Variants in SETBP1 observed in about 807,000 individuals in gnomAD.
SETBP1 encodes the protein SET-binding protein.
A neutral mutation model predicts 101.0 loss-of-function variants in SETBP1; 9 were observed. The ratio of observed to expected loss-of-function variants is 0.09; its 90% CI spans 0.05 to 0.16. The LOEUF (loss-of-function observed/expected upper bound fraction) is 0.16. Ranked by LOEUF, SETBP1 falls within the 10% of genes least tolerant of loss-of-function variation. SETBP1 has a pLI of 1.00. For missense variants in SETBP1, 1,858 were observed against 2,033.8 expected, an observed-to-expected ratio of 0.91 and a Z score of 1.66; for synonymous variants, 818 against 788.5, an observed-to-expected ratio of 1.04 and a Z score of -0.63.
At chr18:44,719,284 A>G (rs2069533133) in intron 2 of SETBP1, among the ~76,000 whole-genome samples, 1 of 152,212 alleles carries the variant, frequency 6.6e-6, no homozygotes, top group Admixed American at 6.5e-5. Context: ...TCAGAAGTGG[A>G]GGCCACGCGA....
At chr18:44,701,951 G>A in intron 2 of SETBP1, 119 bp downstream of exon 2, 1 of 1,144,402 alleles carries the variant, frequency 8.7e-7, no homozygotes, top group Admixed American at 2.1e-5. Flanking sequence ...TGGGGTTGGG[G>A]ATTCAGACCC....
Position 44,950,033 on chromosome 18 carries a change from C to T in SETBP1, c.693C>T (p.Val231=), listed in dbSNP as rs1296928503. Residue 231 remains valine (V), a synonymous_variant, in exon 4 of 6, where the codon GTC becomes GTT. Coordinates refer to ENST00000649279, the MANE Select transcript of SETBP1 (RefSeq NM_015559.3). ...DWSTNSDSGP[V]TQNCFISPES... is the part of the protein sequence containing the mutation. Reference sequence around the variant, plus strand: ...CCACCAACTCTGACAGCGGACCCGTCACTCAGAATTGCTTCATCAGTCCAG... The same window carrying T: ...CCACCAACTCTGACAGCGGACCCGTTACTCAGAATTGCTTCATCAGTCCAG... 3 of 1,614,090 alleles carry T rather than the reference C, an allele frequency of 1.9e-6. No individual in the cohort carries two copies. Among genetic ancestry groups the T allele is most frequent in the African/African-American group, 1.3e-5 (1 of 74,944 alleles).
At chr18:44,874,008 C>T (rs951876133) in intron 3 of SETBP1, among the ~76,000 whole-genome samples, 15 of 152,198 alleles carry the variant, frequency 9.9e-5, no homozygotes, top group African/African-American at 3.6e-4. Context: ...GTCAGCTCTG[C>T]ACCCCAGCGT....
chr18:45,016,747 A>G (rs1354734010), intron 4 of SETBP1, among the ~76,000 whole-genome samples: 3 of 151,204 alleles, frequency 2.0e-5, no homozygotes, highest in Non-Finnish European at 2.9e-5. Context: ...ACACACACAC[A>G]CACACACACA....
rs1401010192 is a variant in SETBP1 at position 45,038,375 on chromosome 18, G to A, written c.4001-110G>A. On this transcript the variant is annotated intron_variant, in intron 4 of 5. Transcript: ENST00000649279. ...AAATTTCATTCTTGTTGTACCAGAA[G>A]GAGGTGTTCAAATCATTTGACCATT... 1.3e-5 allele frequency: 12 copies of A among 959,526 alleles called. No homozygotes were observed. In the East Asian group the frequency reaches 2.2e-4, roughly 17 times the overall value. 59.4% of individuals were successfully genotyped at this position (959,526 alleles called of 1,614,324 possible). A position where few individuals can be genotyped will look rare whatever the true frequency, so the allele number is the denominator to read the frequency against.
intron 2 of SETBP1, among the ~76,000 whole-genome samples, chr18:44,764,374 C>T (rs775505241): frequency 9.9e-5 from 15 of 152,220 alleles, no homozygotes; most frequent in Non-Finnish European, 2.2e-4. Flanking sequence ...TGTAAAAACT[C>T]ACAGATCTCT....
At chr18:45,046,776 T>A (rs1474632900) in intron 5 of SETBP1, among the ~76,000 whole-genome samples, 1 of 152,208 alleles carries the variant, frequency 6.6e-6, no homozygotes, top group African/African-American at 2.4e-5. Context: ...GTATTGGGCA[T>A]CTCAATTCCC....
Position 44,952,716 on chromosome 18 carries a change from G to T in SETBP1, c.3376G>T (p.Gly1126Cys). 6.2e-7 allele frequency: 1 copy of T among 1,614,094 alleles called. No individual in the cohort carries two copies. Among genetic ancestry groups the T allele is most frequent in the Non-Finnish European group, 8.5e-7 (1 of 1,180,030 alleles). ...GCAGGGACCTGTTAGCATGGGCCTTGGTGACATGCAGCCTTCTCTGAACCC... is the reference window on the plus strand; with the variant it reads ...GCAGGGACCTGTTAGCATGGGCCTTTGTGACATGCAGCCTTCTCTGAACCC... ...HLQGPVSMGL[G>C]DMQPSLNPPK... The change falls in exon 4 of 6, where the codon GGT (glycine) becomes TGT (cysteine). Residue 1126 changes from glycine to cysteine, a missense_variant. By Grantham distance (159) the Gly-to-Cys change is radical. Coordinates refer to ENST00000649279, the MANE Select transcript of SETBP1 (RefSeq NM_015559.3).
intron 2 of SETBP1, among the ~76,000 whole-genome samples, chr18:44,714,359 G>T (rs1203371800): frequency 6.6e-6 from 1 of 151,954 alleles, no homozygotes. Flanking sequence ...CCACAACACC[G>T]GGCTAATTTA....
At chr18:44,990,006 A>T (rs1419395107) in intron 4 of SETBP1, among the ~76,000 whole-genome samples, 1 of 151,946 alleles carries the variant, frequency 6.6e-6, no homozygotes, top group African/African-American at 2.4e-5. Context: ...CAACATCTCA[A>T]CAGTAACAAT....
intron 2 of SETBP1, among the ~76,000 whole-genome samples, chr18:44,817,746 T>A (rs1038651077): frequency 3.4e-5 from 5 of 145,868 alleles, no homozygotes; most frequent in South Asian, 4.3e-4. Flanking sequence ...GGAGGGAAAA[T>A]GCGGGGACTA....
At chr18:44,964,375 G>T (rs187123238) in intron 4 of SETBP1, among the ~76,000 whole-genome samples, 94 of 152,174 alleles carry the variant, frequency 6.2e-4, no homozygotes, top group African/African-American at 2.2e-3. Context: ...AAACCAGCCT[G>T]GGCAGCTCTA....
intron 2 of SETBP1, among the ~76,000 whole-genome samples, chr18:44,845,251 T>C (rs1341075794): frequency 2.0e-5 from 3 of 152,164 alleles, no homozygotes; most frequent in Non-Finnish European, 4.4e-5. Context: ...TTAAATGACG[T>C]TCCTGTGTCA....
At position 45,016,867 on chromosome 18, in the gene SETBP1, G is replaced by A. The variant is rs535752699; in HGVS notation, c.4001-21618G>A. Among the ~76,000 whole-genome samples, 191 of 140,722 alleles carry A rather than the reference G, an allele frequency of 1.4e-3. 1 individual carries two copies. The highest frequency in any genetic ancestry group is 1.7e-3 in the Non-Finnish European group (109 of 65,690). 92.3% of individuals were successfully genotyped at this position (140,722 alleles called of 152,430 possible). On this transcript the variant is annotated intron_variant, in intron 4 of 5. Coordinates refer to ENST00000649279, the MANE Select transcript of SETBP1 (RefSeq NM_015559.3). ...CAGTCAACGGCAGGTTTTCAGAGCC[G>A]ACTCTGGTAAAAATTAGCAGGAGCC...
At chr18:44,985,253 A>G (rs1008366581) in intron 4 of SETBP1, among the ~76,000 whole-genome samples, 2 of 151,296 alleles carry the variant, frequency 1.3e-5, no homozygotes, top group African/African-American at 2.4e-5. Flanking sequence ...GAAAGTCTTA[A>G]AAAAAAAAGT....
chr18:45,026,210 G>A (rs990483785), intron 4 of SETBP1, among the ~76,000 whole-genome samples: 1 of 152,180 alleles, frequency 6.6e-6, no homozygotes, highest in African/African-American at 2.4e-5. Context: ...TGGCATTTTT[G>A]GCTTGGTCTG....
At chr18:44,710,778 A>G (rs1283759053) in intron 2 of SETBP1, among the ~76,000 whole-genome samples, 2 of 152,184 alleles carry the variant, frequency 1.3e-5, no homozygotes, top group Non-Finnish European at 2.9e-5. Flanking sequence ...GCAATAAACT[A>G]AAAATTTGTG....
At chr18:44,723,827 C>T (rs1314173300) in intron 2 of SETBP1, among the ~76,000 whole-genome samples, 2 of 152,132 alleles carry the variant, frequency 1.3e-5, no homozygotes, top group Non-Finnish European at 2.9e-5. Context: ...GAAAGCTTCA[C>T]TGCCGGGCAT....
At chr18:44,993,456 G>A (rs2145297336) in intron 4 of SETBP1, among the ~76,000 whole-genome samples, 1 of 152,018 alleles carries the variant, frequency 6.6e-6, no homozygotes, top group Non-Finnish European at 1.5e-5. Flanking sequence ...AAGACTAAAA[G>A]TGATTAAATA....
Sources: allele counts gnomAD v4.1 joint callset (sites outside exome capture counted in the v4.1 genomes callset), GRCh38; gene constraint gnomAD v4.1.1; transcripts MANE v1.5; gene names NCBI Gene and HGNC (gene_info 2026-07-23, HGNC 2026-07-21).